COL8A1: variants seen among roughly 807,000 people sequenced by gnomAD.
COL8A1 encodes the protein collagen type VIII alpha 1 chain.
A neutral mutation model predicts 42.7 loss-of-function variants in COL8A1; 21 were observed. That is an observed-to-expected ratio of 0.49 (90% CI 0.35 to 0.71). COL8A1 has a LOEUF of 0.71. Among genes scored for constraint, COL8A1 ranks in the 30% least tolerant of loss-of-function variants. COL8A1 has a pLI of 0.01. For synonymous variants in COL8A1, 367 were observed against 369.1 expected, an observed-to-expected ratio of 0.99 and a Z score of 0.06; for missense variants, 788 against 962.4, an observed-to-expected ratio of 0.82 and a Z score of 2.40.
At chr3:99,712,391 G>T (rs899774913) in intron 1 of COL8A1, among the ~76,000 whole-genome samples, 4 of 152,092 alleles carry the variant, frequency 2.6e-5, no homozygotes, top group African/African-American at 9.7e-5. Context: ...CGCTTGGCAA[G>T]GCATGTTGGC....
At chr3:99,778,767 C>T (rs1405913736) in intron 2 of COL8A1, among the ~76,000 whole-genome samples, 1 of 152,084 alleles carries the variant, frequency 6.6e-6, no homozygotes, top group African/African-American at 2.4e-5. Context: ...AACATCGATC[C>T]AGTGTTCGGG....
intron 1 of COL8A1, among the ~76,000 whole-genome samples, chr3:99,694,590 A>G (rs1939316147): frequency 6.6e-6 from 1 of 152,344 alleles, no homozygotes; most frequent in Non-Finnish European, 1.5e-5. Context: ...AGAATTGTCA[A>G]ACTAAATGTG....
intron 1 of COL8A1, chr3:99,707,263 A>G (rs949396006): frequency 5.3e-5 from 8 of 152,216 alleles, no homozygotes; most frequent in Non-Finnish European, 7.3e-5. Context: ...TCTCACCACC[A>G]TTGCTGACAC....
At chr3:99,677,166 C>A (rs1055653137) in intron 1 of COL8A1, among the ~76,000 whole-genome samples, 1 of 151,462 alleles carries the variant, frequency 6.6e-6, no homozygotes, top group Non-Finnish European at 1.5e-5. Flanking sequence ...ATAAGCACAT[C>A]AATTTTAGCA....
intron 2 of COL8A1, among the ~76,000 whole-genome samples, chr3:99,782,524 TG>T (rs1941812796): frequency 6.6e-6 from 1 of 152,098 alleles, no homozygotes. Flanking sequence ...CCCGAATAGC[TG>T]GGATTACAGG....
At chr3:99,778,344 G>A (rs1358435626) in intron 2 of COL8A1, among the ~76,000 whole-genome samples, 3 of 152,142 alleles carry the variant, frequency 2.0e-5, no homozygotes, top group African/African-American at 7.2e-5. Context: ...TTACGAACAA[G>A]GAAATGGGTC....
intron 2 of COL8A1, among the ~76,000 whole-genome samples, chr3:99,756,738 G>T (rs1014515710): frequency 6.6e-6 from 1 of 152,120 alleles, no homozygotes; most frequent in Non-Finnish European, 1.5e-5. Context: ...TCAAAGATTT[G>T]GGGACAGTAC....
intron 1 of COL8A1, among the ~76,000 whole-genome samples, chr3:99,722,701 G>T (rs1425009505): frequency 6.6e-6 from 1 of 152,010 alleles, no homozygotes; most frequent in African/African-American, 2.4e-5. Flanking sequence ...TGCAAAACAA[G>T]GCATTCCTCT....
At chr3:99,664,795 T>C (rs898452943) in intron 1 of COL8A1, among the ~76,000 whole-genome samples, 1 of 152,374 alleles carries the variant, frequency 6.6e-6, no homozygotes, top group Non-Finnish European at 1.5e-5. Flanking sequence ...TAGTATCAAC[T>C]GGCTGTCAAA....
At chr3:99,731,621 G>A (rs552852556) in intron 1 of COL8A1, among the ~76,000 whole-genome samples, 229 of 152,298 alleles carry the variant, frequency 1.5e-3, no homozygotes, top group Middle Eastern at 3.4e-3. Context: ...CTCATCTGCT[G>A]TGCACAGAGT....
chr3:99,638,698 C>G (rs1157884274), intron 1 of COL8A1, 34 bp downstream of exon 1: 2 of 152,228 alleles, frequency 1.3e-5, no homozygotes, highest in Non-Finnish European at 2.9e-5. Context: ...GCTCACCTAC[C>G]AGGGGTTGCT....
chr3:99,667,702 T>A lies in COL8A1; in HGVS notation c.-129+29038T>A, dbSNP rs551214523. The stretch of plus-strand genomic sequence containing the variant: ...AAGCACAAGGAATGTTAATTCTTTC[T>A]TGTAATTAGTGTTTCAGTGGTTGTC... On this transcript the variant is annotated intron_variant, in intron 1 of 3. Transcript: ENST00000652472. 1.1e-4 allele frequency among the ~76,000 whole-genome samples: 17 copies of A among 152,298 alleles called. No homozygotes were observed. In the South Asian group the frequency reaches 3.3e-3, roughly 30 times the overall value.
chr3:99,765,581 G>A (rs557642661), intron 2 of COL8A1, among the ~76,000 whole-genome samples: 1 of 152,226 alleles, frequency 6.6e-6, no homozygotes, highest in South Asian at 2.1e-4. Context: ...TTCGTCCCCA[G>A]GCCTTCTTCA....
At chr3:99,703,774 A>G (rs532743621) in intron 1 of COL8A1, among the ~76,000 whole-genome samples, 1 of 152,322 alleles carries the variant, frequency 6.6e-6, no homozygotes, top group East Asian at 1.9e-4. Context: ...GGAAAGAGCC[A>G]AAGTTTGCTT....
At chr3:99,720,523 T>C (rs1940120448) in intron 1 of COL8A1, among the ~76,000 whole-genome samples, 1 of 152,108 alleles carries the variant, frequency 6.6e-6, no homozygotes, top group South Asian at 2.1e-4. Flanking sequence ...TTTCTCAGAA[T>C]TCAAGGCGAT....
At chr3:99,711,824 T>G (rs1020184711) in intron 1 of COL8A1, among the ~76,000 whole-genome samples, 6 of 152,138 alleles carry the variant, frequency 3.9e-5, no homozygotes, top group Non-Finnish European at 8.8e-5. Context: ...AATGATTTTA[T>G]AAAAATAGTC....
chr3:99,714,892 T>A (rs1338223263), intron 1 of COL8A1, among the ~76,000 whole-genome samples: 5 of 152,046 alleles, frequency 3.3e-5, no homozygotes, highest in Admixed American at 3.3e-4. Flanking sequence ...TCTGAGGAAA[T>A]AACACTTTAG....
chr3:99,789,268 A>G (rs1024228148), intron 2 of COL8A1, among the ~76,000 whole-genome samples: 8 of 152,214 alleles, frequency 5.3e-5, no homozygotes, highest in African/African-American at 1.7e-4. Flanking sequence ...AAGTAAGGCA[A>G]AAGCAAAGAA....
intron 1 of COL8A1, among the ~76,000 whole-genome samples, chr3:99,649,224 G>T (rs970561316): frequency 6.6e-6 from 1 of 151,994 alleles, no homozygotes; most frequent in Non-Finnish European, 1.5e-5. Context: ...CTCTGTACAA[G>T]CCCTGCCACA....
Sources: gnomAD v4.1 joint callset for allele counts (sites outside exome capture counted in the v4.1 genomes callset) on GRCh38, gnomAD v4.1.1 for gene constraint, MANE v1.5 for transcripts, NCBI Gene and HGNC (gene_info 2026-07-23, HGNC 2026-07-21) for gene names.